The following FHAD1 variants were observed in gnomAD, a reference collection of about 807,000 sequenced individuals.
FHAD1 encodes the protein forkhead-associated domain-containing protein 1.
FHAD1 carries 146 observed loss-of-function variants against 191.3 expected under a neutral mutation model. The ratio of observed to expected loss-of-function variants is 0.76; its 90% confidence interval spans 0.67 to 0.88. The LOEUF (loss-of-function observed/expected upper bound fraction) is 0.88. FHAD1 is among the 40% of genes least tolerant of loss of function. FHAD1 has a pLI of 0.00. For missense variants in FHAD1, 1,635 were observed against 1,785.8 expected, an observed-to-expected ratio of 0.92 and a Z score of 1.52; for synonymous variants, 616 against 672.3, an observed-to-expected ratio of 0.92 and a Z score of 1.29.
chr1:15,395,173 G>A (rs1054643766), intron 33 of FHAD1, among the ~76,000 whole-genome samples: 3 of 152,010 alleles, frequency 2.0e-5, no homozygotes, highest in African/African-American at 7.3e-5. Flanking sequence ...AATTAGCCGG[G>A]CATGCTGGCG....
chr1:15,299,526 G>A (rs534906793), intron 5 of FHAD1, among the ~76,000 whole-genome samples: 3 of 152,322 alleles, frequency 2.0e-5, no homozygotes, highest in East Asian at 3.9e-4. Flanking sequence ...CAATTGACCA[G>A]GCTGGGTCAA....
chr1:15,393,456 T>G (rs1013019334), intron 33 of FHAD1, among the ~76,000 whole-genome samples: 2 of 126,552 alleles, frequency 1.6e-5, no homozygotes, highest in Admixed American at 7.5e-5. Context: ...ACACACACAC[T>G]GCTATCTGTA....
intron 33 of FHAD1, among the ~76,000 whole-genome samples, chr1:15,394,136 C>T (rs1705148512): frequency 6.6e-6 from 1 of 152,228 alleles, no homozygotes; most frequent in South Asian, 2.1e-4. Context: ...GTGCATTTCA[C>T]ATTCCCCATT....
Position 15,382,181 on chromosome 1 carries a change from C to T in FHAD1, c.4176C>T (p.Ile1392=), listed in dbSNP as rs930803029. 3 of 1,551,336 alleles carry T rather than the reference C, an allele frequency of 1.9e-6. No individual in the cohort carries two copies. The Admixed American group carries it at 5.9e-5, about 30-fold the overall frequency. Residue 1392 remains isoleucine (I), a synonymous_variant, in exon 31 of 34, where the codon ATC becomes ATT. Transcript: ENST00000688493. ...LCQEKRINRA[I]RQQKESVEEH... is the part of the protein sequence containing the mutation. ...AGGAGAAGAGGATCAACAGGGCCATCCGGCAGCAGAAGGTGAGGCGCTGCT... is the reference window on the plus strand; with the variant it reads ...AGGAGAAGAGGATCAACAGGGCCATTCGGCAGCAGAAGGTGAGGCGCTGCT...
Position 15,329,299 on chromosome 1 carries a change from T to C in FHAD1, c.1711-47T>C, listed in dbSNP as rs774218225. On this transcript the variant is annotated intron_variant, in intron 13 of 33. Coordinates refer to ENST00000688493, the MANE Select transcript of FHAD1 (RefSeq NM_001391957.1). The surrounding 1 kb of genome is among the most constrained non-coding windows in gnomAD (Gnocchi z 5.0). Reference sequence around the variant, plus strand: ...TCCTCGAAGGTCACGTCAGGGGCTATTTCTGGCCACAGGGCCTGGGCTCCT... The same window carrying C: ...TCCTCGAAGGTCACGTCAGGGGCTACTTCTGGCCACAGGGCCTGGGCTCCT... 1.1e-4 allele frequency: 162 copies of C among 1,473,218 alleles called. No individual in the cohort carries two copies. Among genetic ancestry groups the C allele is most frequent in the Middle Eastern group, 4.1e-4 (2 of 4,846 alleles). 91.3% of individuals were successfully genotyped at this position (1,473,218 alleles called of 1,614,324 possible).
At chr1:15,305,638 GA>G (rs1450018282) in intron 6 of FHAD1, 2 of 227,206 alleles carry the variant, frequency 8.8e-6, no homozygotes, top group Admixed American at 5.5e-5. Context: ...GGAGGTAATT[GA>G]ATCATGGGGG....
chr1:15,353,532 C>T (rs1459085788), intron 20 of FHAD1, among the ~76,000 whole-genome samples: 1 of 151,736 alleles, frequency 6.6e-6, no homozygotes, highest in Non-Finnish European at 1.5e-5. Flanking sequence ...TGGTGAAACC[C>T]CATCTCTACT....
intron 23 of FHAD1, among the ~76,000 whole-genome samples, chr1:15,365,329 T>TTTTC (rs1024822832): frequency 3.3e-5 from 5 of 151,942 alleles, no homozygotes; most frequent in African/African-American, 9.7e-5. Context: ...GGATTTTCTT[T>TTTTC]TTTCTTTCTT....
intron 28 of FHAD1, among the ~76,000 whole-genome samples, chr1:15,378,654 T>C (rs1025427715): frequency 5.3e-5 from 8 of 152,258 alleles, no homozygotes; most frequent in Admixed American, 1.3e-4. Flanking sequence ...TCTCATCTCA[T>C]AGATAGATAA....
intron 4 of FHAD1, among the ~76,000 whole-genome samples, chr1:15,295,445 C>CA (rs1188991756): frequency 5.3e-5 from 8 of 151,936 alleles, no homozygotes; most frequent in Non-Finnish European, 1.2e-4. Context: ...CCTGTCTCTA[C>CA]AAAAAATTAA....
chr1:15,351,536 C>T (rs1361641971), intron 19 of FHAD1, among the ~76,000 whole-genome samples: 11 of 152,238 alleles, frequency 7.2e-5, no homozygotes, highest in Non-Finnish European at 7.4e-5. Flanking sequence ...TTACAGCCTG[C>T]GTTTCCTTTC....
chr1:15,360,963 G>C (rs1049814381), intron 22 of FHAD1, among the ~76,000 whole-genome samples: 1 of 152,180 alleles, frequency 6.6e-6, no homozygotes, highest in Admixed American at 6.5e-5. Context: ...GGCTACCGGG[G>C]CTGTCAGGGC....
In FHAD1 at chr1:15,289,778, A is replaced by C. The variant is rs1663890966; in HGVS notation, c.568+112A>C. On this transcript the variant is annotated intron_variant, in intron 4 of 33. Coordinates refer to ENST00000688493, the MANE Select transcript of FHAD1 (RefSeq NM_001391957.1). The surrounding 1 kb of genome is among the most constrained non-coding windows in gnomAD (Gnocchi z 4.2). The stretch of plus-strand genomic sequence containing the variant: ...AAAGTAGAACATATTCAATTGTAAA[A>C]AATGAAAATAAATTCAGGATAAGCA... 7.2e-7 allele frequency: 1 copy of C among 1,392,956 alleles called. No homozygotes were observed. The highest frequency in any genetic ancestry group is 9.5e-7 in the Non-Finnish European group (1 of 1,057,578). 86.3% of individuals were successfully genotyped at this position (1,392,956 alleles called of 1,614,324 possible).
At chr1:15,375,522 C>G (rs757099578) in intron 27 of FHAD1, 81 bp from the exon 28 acceptor site, 93 of 1,324,898 alleles carry the variant, frequency 7.0e-5, no homozygotes, top group Non-Finnish European at 9.2e-5. Context: ...TGTAAGTGTC[C>G]TGTAAATAGT....
chr1:15,316,111 T>C lies in FHAD1; in HGVS notation c.1171-267T>C, dbSNP rs1461968016. 1.3e-5 allele frequency among the ~76,000 whole-genome samples: 2 copies of C among 152,260 alleles called. No homozygotes were observed. Among genetic ancestry groups the C allele is most frequent in the Non-Finnish European group, 2.9e-5 (2 of 68,046 alleles). ...AGCACAGACTCTCCAAAGCTGGATT[T>C]TCCTTGTGGTTTAGATTGCTGGCTT... On this transcript the variant is annotated intron_variant, in intron 8 of 33. Coordinates refer to ENST00000688493, the MANE Select transcript of FHAD1 (RefSeq NM_001391957.1). This position sits in a 1 kb window ranked among gnomAD's most constrained non-coding sequence, Gnocchi z 4.3.
chr1:15,383,226 A>G (rs751495054), intron 31 of FHAD1: 3 of 470,958 alleles, frequency 6.4e-6, no homozygotes, highest in Non-Finnish European at 8.8e-6. Flanking sequence ...ATCCCTCGCT[A>G]TCTGCTGTCC....
Position 15,308,708 on chromosome 1 carries a change from C to T in FHAD1, c.1011C>T (p.Asn337=). 6.4e-7 allele frequency: 1 copy of T among 1,551,760 alleles called. No individual in the cohort carries two copies. Among genetic ancestry groups the T allele is most frequent in the South Asian group, 1.2e-5 (1 of 84,066 alleles). The change falls in exon 7 of 34, where the codon AAC becomes AAT. Residue 337 remains asparagine (N), a synonymous_variant. Coordinates refer to ENST00000688493, the MANE Select transcript of FHAD1 (RefSeq NM_001391957.1). The part of the protein sequence containing the change: ...EITSLKNEGE[N]LKRDNAITSG... ...CATCCCTGAAGAATGAGGGCGAGAA[C>T]TTAAAGAGAGACAACGCTATCACAT...
intron 1 of FHAD1, among the ~76,000 whole-genome samples, chr1:15,249,695 G>A (rs535233576): frequency 5.5e-4 from 84 of 152,100 alleles, no homozygotes; most frequent in African/African-American, 1.9e-3. Flanking sequence ...TGGTGTTAAG[G>A]GCTATCTGTT....
At chr1:15,369,304 C>T (rs1272330126) in intron 25 of FHAD1, 66 bp from the exon 26 acceptor site, 1 of 1,511,040 alleles carries the variant, frequency 6.6e-7, no homozygotes, top group Non-Finnish European at 9.0e-7. Flanking sequence ...TCCTGGTCTT[C>T]CAATGAGTGT....
Sources: gnomAD v4.1 joint callset for allele counts (sites outside exome capture counted in the v4.1 genomes callset) on GRCh38, gnomAD v4.1.1 for gene constraint, Gnocchi (gnomAD v3.1) non-coding constraint, MANE v1.5 for transcripts, NCBI Gene and HGNC (gene_info 2026-07-23, HGNC 2026-07-21) for gene names.